Variants in PDS5A observed in about 807,000 individuals in gnomAD.
The protein encoded by PDS5A is PDS5 cohesin associated factor A.
Under a neutral mutation model 167.1 loss-of-function variants are expected in PDS5A, and 42 were observed. The observed-to-expected ratio is 0.25, with a 90% confidence interval of 0.20 to 0.33. PDS5A has a LOEUF of 0.33. Among genes scored for constraint, PDS5A ranks in the 10% least tolerant of loss-of-function variants. PDS5A has a pLI of 1.00. For missense variants in PDS5A, 1,033 were observed against 1,605.9 expected (o/e 0.64, Z 6.10); for synonymous variants, 553 against 554.6 (o/e 1.00, Z 0.04).
chr4:39,839,958 G>C (rs939084759), intron 31 of PDS5A, among the ~76,000 whole-genome samples: 4 of 151,962 alleles, frequency 2.6e-5, no homozygotes, highest in Non-Finnish European at 4.4e-5. Flanking sequence ...GCTGGGCATG[G>C]TGGTGCGTGC....
intron 2 of PDS5A, among the ~76,000 whole-genome samples, chr4:39,936,254 G>C (rs1433271655): frequency 6.6e-6 from 1 of 152,110 alleles, no homozygotes; most frequent in Non-Finnish European, 1.5e-5. Flanking sequence ...ACCCACCTTA[G>C]CGCAGAACCC....
In PDS5A at chr4:39,842,937, A is replaced by T. The variant is rs1029788915; in HGVS notation, c.3549-881T>A. Reference sequence around the variant, plus strand: ...TATATATATATATATATATATATATATTTTAAGAGACAGGGTCTTAGGCTG... The same window carrying T: ...TATATATATATATATATATATATATTTTTTAAGAGACAGGGTCTTAGGCTG... On this transcript the variant is annotated intron_variant, in intron 30 of 32. Transcript: ENST00000303538. Among the ~76,000 whole-genome samples, 53 of 139,744 alleles carry T rather than the reference A, an allele frequency of 3.8e-4. 3 individuals carry two copies. The highest frequency in any genetic ancestry group is 1.1e-3 in the African/African-American group (41 of 36,368). The allele number at this position is 139,744 out of a possible 152,430, so 91.7% of individuals were successfully genotyped here.
At chr4:39,961,830 T>C (rs1729503461) in intron 2 of PDS5A, among the ~76,000 whole-genome samples, 1 of 152,254 alleles carries the variant, frequency 6.6e-6, no homozygotes, top group African/African-American at 2.4e-5. Context: ...TATAGATTTC[T>C]GATACAAGAT....
Position 39,839,762 on chromosome 4 carries a change from G to GT in PDS5A, c.3658-1555_3658-1554insA, listed in dbSNP as rs1252359185. Among the ~76,000 whole-genome samples the GT allele has an allele frequency of 7.5e-5, 11 of 146,602 alleles. 1 individual carries two copies. In the South Asian group the frequency reaches 2.5e-3, roughly 33 times the overall value. On this transcript the variant is annotated intron_variant, in intron 31 of 32. Coordinates refer to ENST00000303538, the MANE Select transcript of PDS5A (RefSeq NM_001100399.2). ...CTTCAAGAATATGATTCTGGGGGGG[G>GT]GGGGCAGGGGAGGAAATAATATCTT... is the stretch of plus-strand genomic sequence containing the variant.
At chr4:39,835,967 C>T (rs1716344626) in intron 32 of PDS5A, among the ~76,000 whole-genome samples, 1 of 152,116 alleles carries the variant, frequency 6.6e-6, no homozygotes, top group Non-Finnish European at 1.5e-5. Flanking sequence ...TGAAACCGTT[C>T]AGAGAATTTT....
At chr4:39,887,138 T>A (rs1333192889) in intron 17 of PDS5A, among the ~76,000 whole-genome samples, 1 of 152,194 alleles carries the variant, frequency 6.6e-6, no homozygotes, top group Non-Finnish European at 1.5e-5. Flanking sequence ...AGCCAGGACT[T>A]CCAGTAATTT....
intron 16 of PDS5A, chr4:39,898,016 G>T: frequency 1.0e-6 from 1 of 954,618 alleles, no homozygotes; most frequent in Non-Finnish European, 1.3e-6. Context: ...CAGATATATG[G>T]CAATGTTACT....
chr4:39,972,267 A>G (rs1730619508), intron 2 of PDS5A, among the ~76,000 whole-genome samples: 1 of 152,186 alleles, frequency 6.6e-6, no homozygotes, highest in Admixed American at 6.5e-5. Context: ...CACGCCTGTA[A>G]TCCCAGCACT....
At chr4:39,874,468 T>G in intron 19 of PDS5A, 56 bp from the exon 20 acceptor site, 2 of 1,477,038 alleles carry the variant, frequency 1.4e-6, no homozygotes, top group Non-Finnish European at 9.4e-7. Context: ...CAACAAGTAT[T>G]CCTTTGGTTG....
chr4:39,900,286 C>G (rs1722766494), intron 14 of PDS5A, 140 bp downstream of exon 14: 1 of 579,970 alleles, frequency 1.7e-6, no homozygotes, highest in African/African-American at 1.9e-5. Flanking sequence ...TTAGCTTGGA[C>G]AACTACAGAA....
intron 7 of PDS5A, among the ~76,000 whole-genome samples, chr4:39,920,088 T>G (rs1326294788): frequency 6.6e-6 from 1 of 152,032 alleles, no homozygotes; most frequent in Admixed American, 6.6e-5. Flanking sequence ...TAAACATAAA[T>G]ACAAATGCAG....
intron 29 of PDS5A, among the ~76,000 whole-genome samples, chr4:39,845,021 A>G (rs1717462815): frequency 6.6e-6 from 1 of 152,158 alleles, no homozygotes; most frequent in African/African-American, 2.4e-5. Flanking sequence ...CACTCTGGCC[A>G]AAAGAGTGAA....
chr4:39,902,670 G>A (rs565433596), intron 12 of PDS5A, among the ~76,000 whole-genome samples: 8 of 152,030 alleles, frequency 5.3e-5, no homozygotes, highest in Admixed American at 1.3e-4. Flanking sequence ...CTACAGGCGC[G>A]TGCCACCATG....
chr4:39,849,457 C>T, intron 27 of PDS5A, 63 bp downstream of exon 27: 1 of 474,148 alleles, frequency 2.1e-6, no homozygotes, highest in South Asian at 5.8e-5. Flanking sequence ...AAAAAAAAAA[C>T]CAAGTGGGAC....
At chr4:39,881,824 T>C (rs932399248) in intron 17 of PDS5A, among the ~76,000 whole-genome samples, 1 of 152,202 alleles carries the variant, frequency 6.6e-6, no homozygotes, top group Non-Finnish European at 1.5e-5. Flanking sequence ...CACTCAAATC[T>C]CACTTTGAAC....
intron 17 of PDS5A, among the ~76,000 whole-genome samples, chr4:39,885,715 G>C (rs1721398102): frequency 6.6e-6 from 1 of 152,168 alleles, no homozygotes; most frequent in Non-Finnish European, 1.5e-5. Context: ...AAGAGTTCGA[G>C]ACCAGCCTGG....
At chr4:39,869,746 T>C (rs1444406431) in intron 21 of PDS5A, among the ~76,000 whole-genome samples, 1 of 152,172 alleles carries the variant, frequency 6.6e-6, no homozygotes, top group African/African-American at 2.4e-5. Context: ...GGTAATTCAT[T>C]TTTGACAAAG....
At chr4:39,925,397 G>C (rs1000579230) in intron 5 of PDS5A, among the ~76,000 whole-genome samples, 4 of 152,136 alleles carry the variant, frequency 2.6e-5, no homozygotes, top group African/African-American at 9.7e-5. Flanking sequence ...TGAGCTTAAA[G>C]ACTGAGCTAT....
chr4:39,879,967 C>G, intron 17 of PDS5A, 134 bp from the exon 18 acceptor site: 1 of 534,972 alleles, frequency 1.9e-6, no homozygotes, highest in Non-Finnish European at 3.3e-6. Flanking sequence ...AAAGTTCAAC[C>G]TTGTCCTCTA....
Sources: allele counts gnomAD v4.1 joint callset (sites outside exome capture counted in the v4.1 genomes callset), GRCh38; gene constraint gnomAD v4.1.1; transcripts MANE v1.5; gene names NCBI Gene and HGNC (gene_info 2026-07-23, HGNC 2026-07-21).